The following MACROD2 variants were observed in gnomAD, a reference collection of about 807,000 sequenced individuals.
MACROD2 encodes the protein mono-ADP ribosylhydrolase 2.
Under a neutral mutation model 70.4 loss-of-function variants are expected in MACROD2, and 36 were observed. The ratio of observed to expected loss-of-function variants is 0.51; its 90% confidence interval spans 0.39 to 0.68. MACROD2 has a LOEUF of 0.68. Ranked by LOEUF, MACROD2 falls within the 30% of genes least tolerant of loss-of-function variation. MACROD2 has a pLI of 0.00. For missense variants in MACROD2, 496 were observed against 538.4 expected (o/e 0.92, Z 0.78); for synonymous variants, 172 against 178.8 (o/e 0.96, Z 0.30).
chr20:15,638,204 G>A (rs752072907), intron 8 of MACROD2, among the ~76,000 whole-genome samples: 7 of 152,172 alleles, frequency 4.6e-5, no homozygotes, highest in Non-Finnish European at 8.8e-5. Flanking sequence ...ATTCCACATG[G>A]AAGCATGGCA....
intron 3 of MACROD2, among the ~76,000 whole-genome samples, chr20:14,317,095 C>T (rs145723582): frequency 4.6e-5 from 7 of 152,282 alleles, no homozygotes; most frequent in African/African-American, 1.7e-4. Flanking sequence ...TCCTTAAACA[C>T]ATTAAGCTGA....
intron 15 of MACROD2, among the ~76,000 whole-genome samples, chr20:16,020,776 G>C (rs1028704587): frequency 1.8e-4 from 27 of 152,094 alleles, no homozygotes; most frequent in Middle Eastern, 6.8e-3. Flanking sequence ...ATGGGGGGAA[G>C]GAAATCCATC....
chr20:15,781,377 G>C (rs996261960), intron 8 of MACROD2, among the ~76,000 whole-genome samples: 1 of 152,144 alleles, frequency 6.6e-6, no homozygotes, highest in Non-Finnish European at 1.5e-5. Context: ...AACTGATCTG[G>C]CCCTGGGCAA....
chr20:15,458,518 C>A (rs1341617548), intron 7 of MACROD2, among the ~76,000 whole-genome samples: 1 of 151,724 alleles, frequency 6.6e-6, no homozygotes, highest in Non-Finnish European at 1.5e-5. Context: ...TAAATACCAA[C>A]ATTCTTATTG....
chr20:14,798,745 C>T (rs115477941), intron 5 of MACROD2, among the ~76,000 whole-genome samples: 2,053 of 151,920 alleles, frequency 0.014, 49 homozygotes, highest in African/African-American at 0.047. Context: ...TAAATACAGC[C>T]ACATAAACAA....
At chr20:15,311,660 A>G (rs1225527254) in intron 6 of MACROD2, among the ~76,000 whole-genome samples, 1 of 152,236 alleles carries the variant, frequency 6.6e-6, no homozygotes, top group African/African-American at 2.4e-5. Flanking sequence ...GGAGGTGATT[A>G]TCCTAAGCGT....
chr20:14,446,348 G>A (rs1404470967), intron 3 of MACROD2, among the ~76,000 whole-genome samples: 1 of 152,068 alleles, frequency 6.6e-6, no homozygotes, highest in Non-Finnish European at 1.5e-5. Context: ...AGGCATTAGT[G>A]TGTCTAACGT....
chr20:15,959,606 C>T (rs1016393363), intron 12 of MACROD2, among the ~76,000 whole-genome samples: 12 of 152,102 alleles, frequency 7.9e-5, no homozygotes, highest in Non-Finnish European at 1.5e-4. Context: ...ATTGGCTCAC[C>T]GCAACCTCCG....
chr20:15,089,970 G>C (rs1337950833), intron 5 of MACROD2, among the ~76,000 whole-genome samples: 1 of 152,076 alleles, frequency 6.6e-6, no homozygotes, highest in Non-Finnish European at 1.5e-5. Context: ...TATGAAACAA[G>C]AGCATAAGCC....
At chr20:15,158,299 GTAA>G (rs1476953521) in intron 5 of MACROD2, among the ~76,000 whole-genome samples, 3 of 152,246 alleles carry the variant, frequency 2.0e-5, no homozygotes, top group East Asian at 3.9e-4. Context: ...AATTATGATT[GTAA>G]TAATACCAAT....
chr20:14,143,375 A>G (rs2054901933), intron 3 of MACROD2, among the ~76,000 whole-genome samples: 1 of 152,172 alleles, frequency 6.6e-6, no homozygotes, highest in African/African-American at 2.4e-5. Context: ...ACCACCTTGT[A>G]GCAACATTCA....
chr20:14,760,359 A>G (rs1473780189), intron 5 of MACROD2, among the ~76,000 whole-genome samples: 7 of 152,124 alleles, frequency 4.6e-5, no homozygotes, highest in Non-Finnish European at 1.0e-4. Flanking sequence ...CTATAAGCAT[A>G]CAGAAATGAT....
chr20:16,029,684 T>C (rs1474612105), intron 15 of MACROD2, among the ~76,000 whole-genome samples: 2 of 151,946 alleles, frequency 1.3e-5, no homozygotes, highest in African/African-American at 4.8e-5. Flanking sequence ...CCTCCCTAAC[T>C]AGGAGAGAAA....
intron 8 of MACROD2, among the ~76,000 whole-genome samples, chr20:15,847,986 C>A (rs2064252488): frequency 6.6e-6 from 1 of 152,124 alleles, no homozygotes; most frequent in African/African-American, 2.4e-5. Flanking sequence ...ACATAGGAAC[C>A]AACATACCTC....
chr20:15,802,396 A>G (rs2063734179), intron 8 of MACROD2, among the ~76,000 whole-genome samples: 1 of 152,126 alleles, frequency 6.6e-6, no homozygotes, highest in South Asian at 2.1e-4. Context: ...AGTTTTTATA[A>G]TGAAGGGATG....
intron 5 of MACROD2, among the ~76,000 whole-genome samples, chr20:14,937,440 A>C (rs929492194): frequency 6.6e-6 from 1 of 152,050 alleles, no homozygotes; most frequent in Non-Finnish European, 1.5e-5. Flanking sequence ...TGAATAATGG[A>C]GAATCAGTCA....
chr20:14,594,673 C>G (rs187430195), intron 4 of MACROD2, among the ~76,000 whole-genome samples: 1 of 152,224 alleles, frequency 6.6e-6, no homozygotes, highest in Non-Finnish European at 1.5e-5. Flanking sequence ...GCAGGCGGAT[C>G]ATGAGGTCAG....
intron 3 of MACROD2, among the ~76,000 whole-genome samples, chr20:14,374,557 A>C (rs915534394): frequency 1.3e-5 from 2 of 152,188 alleles, no homozygotes; most frequent in Non-Finnish European, 2.9e-5. Flanking sequence ...AGTCTTGCTA[A>C]TAAGAATATC....
At chr20:15,504,941 A>G (rs1339122644) in intron 8 of MACROD2, among the ~76,000 whole-genome samples, 3 of 152,220 alleles carry the variant, frequency 2.0e-5, no homozygotes, top group African/African-American at 4.8e-5. Context: ...ATCTAGAAAT[A>G]TAATTCTTTG....
Sources: allele counts gnomAD v4.1 joint callset (sites outside exome capture counted in the v4.1 genomes callset), GRCh38; gene constraint gnomAD v4.1.1; transcripts MANE v1.5; gene names NCBI Gene and HGNC (gene_info 2026-07-23, HGNC 2026-07-21).